The following EFCAB11 variants were observed in gnomAD, a reference collection of about 807,000 sequenced individuals.
EFCAB11 encodes the protein EF-hand calcium binding domain 11.
In EFCAB11, 14 loss-of-function variants were observed where a neutral mutation model predicts 23.0. The observed-to-expected ratio is 0.61, with a 90% CI of 0.40 to 0.95. EFCAB11 has a LOEUF of 0.95. Among genes scored for constraint, EFCAB11 ranks in the 40% least tolerant of loss-of-function variants. The pLI, the probability that EFCAB11 is intolerant of heterozygous loss-of-function variation, is 0.00. For synonymous variants in EFCAB11, 65 were observed against 66.6 expected (o/e 0.98, Z 0.11); for missense variants, 198 against 195.8 (o/e 1.01, Z -0.07).
At chr14:89,802,356 T>C (rs912392523) in intron 5 of EFCAB11, among the ~76,000 whole-genome samples, 32 of 152,200 alleles carry the variant, frequency 2.1e-4, no homozygotes, top group African/African-American at 6.7e-4. Flanking sequence ...CGCATCATCA[T>C]TGCAATGTTT....
At chr14:89,900,509 G>A (rs183144331) in intron 5 of EFCAB11, among the ~76,000 whole-genome samples, 50 of 152,208 alleles carry the variant, frequency 3.3e-4, no homozygotes, top group Middle Eastern at 3.4e-3. Context: ...AAAATAAGAA[G>A]CACAGCTGAA....
intron 5 of EFCAB11, among the ~76,000 whole-genome samples, chr14:89,882,742 A>T (rs1384334898): frequency 3.9e-5 from 6 of 152,188 alleles, no homozygotes; most frequent in Non-Finnish European, 7.4e-5. Flanking sequence ...ATAATATACA[A>T]TTTAAAGAAG....
At chr14:89,855,409 G>A (rs1197265281) in intron 5 of EFCAB11, among the ~76,000 whole-genome samples, 1 of 152,002 alleles carries the variant, frequency 6.6e-6, no homozygotes, top group African/African-American at 2.4e-5. Context: ...CTGGGAAGTT[G>A]AGGCTGCAGT....
intron 5 of EFCAB11, among the ~76,000 whole-genome samples, chr14:89,823,871 T>C (rs920908361): frequency 1.4e-4 from 22 of 152,016 alleles, no homozygotes; most frequent in African/African-American, 5.1e-4. Context: ...GACACAGAAA[T>C]AGAAATTCTC....
chr14:89,941,031 G>C (rs1890774048), intron 3 of EFCAB11, among the ~76,000 whole-genome samples: 1 of 152,146 alleles, frequency 6.6e-6, no homozygotes, highest in South Asian at 2.1e-4. Flanking sequence ...TCTACATTGA[G>C]AAAAGATGAA....
chr14:89,847,341 C>T (rs1887460217), intron 5 of EFCAB11, among the ~76,000 whole-genome samples: 1 of 152,272 alleles, frequency 6.6e-6, no homozygotes, highest in South Asian at 2.1e-4. Flanking sequence ...TCCTCCAGTA[C>T]CTCATTCAAA....
intron 2 of EFCAB11, among the ~76,000 whole-genome samples, chr14:89,953,270 A>G (rs1276212447): frequency 6.6e-6 from 1 of 152,032 alleles, no homozygotes; most frequent in Non-Finnish European, 1.5e-5. Flanking sequence ...AGAATATGCA[A>G]CCATATTTTA....
Position 89,892,003 on chromosome 14 carries a change from G to A in EFCAB11, c.410+39538C>T, listed in dbSNP as rs372830216. ...TCAAGCTGCAGCTCTGGGACACCGCGGGCCACGAGCGCTTCAGCTGCATCA... is the reference window on the plus strand; with the variant it reads ...TCAAGCTGCAGCTCTGGGACACCGCAGGCCACGAGCGCTTCAGCTGCATCA... On this transcript the variant is annotated intron_variant, in intron 5 of 5. Coordinates refer to ENST00000316738, the MANE Select transcript of EFCAB11 (RefSeq NM_145231.4). 21 of 1,512,152 alleles carry A rather than the reference G, an allele frequency of 1.4e-5. No individual in the cohort carries two copies. In the East Asian group the frequency reaches 4.2e-4, roughly 30 times the overall value. 93.7% of individuals were successfully genotyped at this position (1,512,152 alleles called of 1,614,324 possible).
intron 5 of EFCAB11, among the ~76,000 whole-genome samples, chr14:89,881,719 A>G (rs1030870767): frequency 4.6e-5 from 7 of 151,688 alleles, no homozygotes; most frequent in Non-Finnish European, 8.8e-5. Context: ...AAGTGCTGGG[A>G]TTACAGGCAT....
chr14:89,880,668 AAC>A (rs780195307), intron 5 of EFCAB11, among the ~76,000 whole-genome samples: 19 of 152,240 alleles, frequency 1.2e-4, no homozygotes, highest in Non-Finnish European at 1.9e-4. Flanking sequence ...AAATGATAAA[AAC>A]ACACCAGCTG....
intron 3 of EFCAB11, among the ~76,000 whole-genome samples, chr14:89,939,371 C>A (rs745778405): frequency 1.3e-5 from 2 of 152,024 alleles, no homozygotes; most frequent in Non-Finnish European, 2.9e-5. Context: ...GTATGCAAAT[C>A]TGAGATGGGC....
chr14:89,855,177 T>A (rs1887713243), intron 5 of EFCAB11, among the ~76,000 whole-genome samples: 1 of 152,074 alleles, frequency 6.6e-6, no homozygotes, highest in African/African-American at 2.4e-5. Context: ...CTTCTTTTTT[T>A]TTTTTTTAAT....
intron 5 of EFCAB11, among the ~76,000 whole-genome samples, chr14:89,844,484 T>C (rs1358468926): frequency 1.3e-5 from 2 of 152,230 alleles, no homozygotes; most frequent in African/African-American, 2.4e-5. Flanking sequence ...CACAGACCCC[T>C]GGCGGCCCTG....
intron 5 of EFCAB11, among the ~76,000 whole-genome samples, chr14:89,804,779 CT>C (rs1885913587): frequency 6.6e-6 from 1 of 152,042 alleles, no homozygotes; most frequent in Admixed American, 6.6e-5. Context: ...TAAATATTGC[CT>C]TTAAGAAGAG....
intron 5 of EFCAB11, among the ~76,000 whole-genome samples, chr14:89,906,025 A>G (rs185593381): frequency 5.3e-5 from 8 of 152,274 alleles, no homozygotes; most frequent in Non-Finnish European, 1.0e-4. Context: ...ATTTTCAGCT[A>G]TTTAAAGTGT....
chr14:89,826,639 GA>G (rs1369437299), intron 5 of EFCAB11, among the ~76,000 whole-genome samples: 1 of 152,106 alleles, frequency 6.6e-6, no homozygotes, highest in Non-Finnish European at 1.5e-5. Flanking sequence ...GAGATAAAAA[GA>G]AGTGAAATAA....
chr14:89,815,214 C>T (rs183137916), intron 5 of EFCAB11, among the ~76,000 whole-genome samples: 226 of 152,258 alleles, frequency 1.5e-3, no homozygotes, highest in African/African-American at 5.1e-3. Context: ...AGAACGTCCC[C>T]ACAATTTGGG....
intron 5 of EFCAB11, among the ~76,000 whole-genome samples, chr14:89,843,447 G>A (rs1178373453): frequency 1.3e-5 from 2 of 152,056 alleles, no homozygotes; most frequent in Non-Finnish European, 2.9e-5. Flanking sequence ...ATTCTCTCCT[G>A]CTTCCGAATT....
chr14:89,884,998 C>T (rs1393690791), intron 5 of EFCAB11, among the ~76,000 whole-genome samples: 4 of 152,192 alleles, frequency 2.6e-5, no homozygotes, highest in African/African-American at 9.7e-5. Flanking sequence ...TTGCAGACTT[C>T]GCAGTCTTAA....
Sources: gnomAD v4.1 joint callset for allele counts (sites outside exome capture counted in the v4.1 genomes callset) on GRCh38, gnomAD v4.1.1 for gene constraint, MANE v1.5 for transcripts, NCBI Gene and HGNC (gene_info 2026-07-23, HGNC 2026-07-21) for gene names.